The following LRRC20 variants were observed in gnomAD, a reference collection of about 807,000 sequenced individuals.
The protein encoded by LRRC20 is leucine-rich repeat-containing protein 20.
A neutral mutation model predicts 14.4 loss-of-function variants in LRRC20; 11 were observed. The ratio of observed to expected loss-of-function variants is 0.77; its 90% CI spans 0.48 to 1.27. LRRC20 has a LOEUF of 1.27. LRRC20 is among the 50% of genes most tolerant of loss of function. The probability of loss-of-function intolerance (pLI) is 0.00; values close to 1 mark genes in which losing one functional copy is unlikely to be tolerated. For missense variants in LRRC20, 219 were observed against 251.2 expected (o/e 0.87, Z 0.87); for synonymous variants, 121 against 107.3 (o/e 1.13, Z -0.79).
intron 2 of LRRC20, among the ~76,000 whole-genome samples, chr10:70,369,865 A>G (rs1404743861): frequency 2.6e-5 from 2 of 75,936 alleles, no homozygotes; most frequent in East Asian, 6.5e-4. Flanking sequence ...GGATCACTTG[A>G]GGTCAGGAGT....
At position 70,340,623 on chromosome 10, in the gene LRRC20, G is replaced by A; in HGVS notation, c.162C>T (p.Leu54=). The change falls in exon 3 of 5, where the codon CTC becomes CTT. Residue 54 remains leucine, a synonymous_variant. Transcript: ENST00000446961. The part of the protein sequence containing the change: ...VLRNVSGQIH[L]ITLANNELKS... ...TAAGCTCGTTGTTAGCCAGGGTGATGAGGTGGATCTGGCCAGAGACATTCC... is the reference window on the plus strand; with the variant it reads ...TAAGCTCGTTGTTAGCCAGGGTGATAAGGTGGATCTGGCCAGAGACATTCC... 1 of 1,614,180 alleles carries A rather than the reference G, an allele frequency of 6.2e-7. No individual in the cohort carries two copies. The highest frequency in any genetic ancestry group is 8.5e-7 in the Non-Finnish European group (1 of 1,180,016).
intron 3 of LRRC20, among the ~76,000 whole-genome samples, chr10:70,340,078 A>T (rs1324063334): frequency 2.6e-5 from 4 of 151,010 alleles, no homozygotes; most frequent in Non-Finnish European, 4.4e-5. Context: ...CCGAGATCAC[A>T]CCGCTGCACT....
At chr10:70,370,004 G>A (rs963095768) in intron 2 of LRRC20, among the ~76,000 whole-genome samples, 4 of 152,118 alleles carry the variant, frequency 2.6e-5, no homozygotes, top group African/African-American at 9.7e-5. Context: ...TTGAACCTGA[G>A]AAGTGGAGGC....
At chr10:70,362,057 C>T (rs1015968889) in intron 2 of LRRC20, among the ~76,000 whole-genome samples, 1 of 152,152 alleles carries the variant, frequency 6.6e-6, no homozygotes, top group African/African-American at 2.4e-5. Context: ...TAGTGATACA[C>T]GCCTGTAATC....
intron 4 of LRRC20, among the ~76,000 whole-genome samples, chr10:70,306,102 G>C (rs1399804423): frequency 4.8e-5 from 7 of 144,514 alleles, no homozygotes; most frequent in Non-Finnish European, 7.5e-5. Flanking sequence ...TGCATTTTCT[G>C]TCTCTCTCTC....
At chr10:70,338,134 T>C (rs960533194) in intron 3 of LRRC20, among the ~76,000 whole-genome samples, 2 of 152,204 alleles carry the variant, frequency 1.3e-5, no homozygotes, top group African/African-American at 4.8e-5. Flanking sequence ...ATTTTAGCTT[T>C]TCAGGCACAA....
chr10:70,309,585 C>T (rs1197819777), intron 4 of LRRC20, among the ~76,000 whole-genome samples: 1 of 152,254 alleles, frequency 6.6e-6, no homozygotes, highest in Admixed American at 6.5e-5. Context: ...AGATCACAAC[C>T]TCAGTTGTCA....
chr10:70,355,157 C>T (rs904830545), intron 2 of LRRC20, among the ~76,000 whole-genome samples: 79 of 152,136 alleles, frequency 5.2e-4, no homozygotes, highest in African/African-American at 1.7e-3. Context: ...ATGCAGACAG[C>T]GAGCAAAACA....
intron 4 of LRRC20, among the ~76,000 whole-genome samples, chr10:70,309,446 C>T (rs1841557575): frequency 6.6e-6 from 1 of 152,238 alleles, no homozygotes; most frequent in African/African-American, 2.4e-5. Context: ...TACACTTCAA[C>T]ACACAACGCA....
chr10:70,356,200 G>A (rs1843510152), intron 2 of LRRC20, among the ~76,000 whole-genome samples: 1 of 152,194 alleles, frequency 6.6e-6, no homozygotes, highest in South Asian at 2.1e-4. Flanking sequence ...GTAAAGTGAG[G>A]ACAAGAGCTC....
intron 3 of LRRC20, among the ~76,000 whole-genome samples, chr10:70,327,471 A>G (rs1312530574): frequency 6.6e-6 from 1 of 152,068 alleles, no homozygotes; most frequent in Admixed American, 6.6e-5. Flanking sequence ...GCTTCTTGAG[A>G]GGCTGAGGCA....
At chr10:70,344,528 T>C (rs1006048428) in intron 2 of LRRC20, among the ~76,000 whole-genome samples, 2 of 151,426 alleles carry the variant, frequency 1.3e-5, no homozygotes, top group East Asian at 3.9e-4. Flanking sequence ...CTGACCAATA[T>C]AAAAAAAAAG....
rs1489393244 is a variant in LRRC20, at chr10:70,366,316, G to A, written c.82+10136C>T. Among the ~76,000 whole-genome samples, 3 of 151,364 alleles carry A rather than the reference G, an allele frequency of 2.0e-5. No homozygotes were observed. In the East Asian group the frequency reaches 5.9e-4, roughly 30 times the overall value. On this transcript the variant is annotated intron_variant, in intron 2 of 4. Coordinates refer to ENST00000446961, the MANE Select transcript of LRRC20 (RefSeq NM_001278212.2). ...CAGGCGCCTGTAATCCCAGCTGCTC[G>A]GGAGGCTGAGGCAGGAGAATCACTT...
At chr10:70,302,434 CA>C (rs1177402166) in intron 4 of LRRC20, among the ~76,000 whole-genome samples, 9 of 152,226 alleles carry the variant, frequency 5.9e-5, no homozygotes, top group African/African-American at 2.2e-4. Context: ...GAAAGTAGAA[CA>C]GAGGTTCCCA....
intron 2 of LRRC20, among the ~76,000 whole-genome samples, chr10:70,357,463 A>T (rs1227914785): frequency 6.6e-6 from 1 of 152,246 alleles, no homozygotes; most frequent in Non-Finnish European, 1.5e-5. Flanking sequence ...CCTGGCAGGT[A>T]GTTTGTGCTC....
At chr10:70,334,579 C>T (rs1842653467) in intron 3 of LRRC20, among the ~76,000 whole-genome samples, 1 of 152,190 alleles carries the variant, frequency 6.6e-6, no homozygotes, top group African/African-American at 2.4e-5. Context: ...CCTAAGACTC[C>T]TGACCACACG....
At chr10:70,380,874 C>T (rs1844676360) in intron 1 of LRRC20, among the ~76,000 whole-genome samples, 1 of 152,240 alleles carries the variant, frequency 6.6e-6, no homozygotes, top group African/African-American at 2.4e-5. Context: ...GAACAAGCTT[C>T]CCACTGGGAG....
rs566935454 is a variant in LRRC20, at chr10:70,330,505, G to A, written c.233-6475C>T. ...AGACAGCAGGTTCCTGGGGATGGATGTCCCACCCCTGTCAGTCACCCACTT... is the reference window on the plus strand; with the variant it reads ...AGACAGCAGGTTCCTGGGGATGGATATCCCACCCCTGTCAGTCACCCACTT... On this transcript the variant is annotated intron_variant, in intron 3 of 4. Coordinates refer to ENST00000446961, the MANE Select transcript of LRRC20 (RefSeq NM_001278212.2). Among the ~76,000 whole-genome samples, 199 of 152,274 alleles carry A rather than the reference G, an allele frequency of 1.3e-3. 1 individual carries two copies. The highest frequency in any genetic ancestry group is 4.7e-3 in the African/African-American group (194 of 41,550).
intron 2 of LRRC20, among the ~76,000 whole-genome samples, chr10:70,363,032 A>G (rs570010359): frequency 5.5e-4 from 84 of 151,882 alleles, no homozygotes; most frequent in Non-Finnish European, 7.5e-4. Context: ...AGATTTCGGG[A>G]GGCTGAGATG....
Sources: allele counts gnomAD v4.1 joint callset (sites outside exome capture counted in the v4.1 genomes callset), GRCh38; gene constraint gnomAD v4.1.1; transcripts MANE v1.5; gene names NCBI Gene and HGNC (gene_info 2026-07-23, HGNC 2026-07-21).